Variants in CENPF observed in about 807,000 individuals in gnomAD.
CENPF encodes centromere protein F.
In CENPF, 214 loss-of-function variants were observed where a neutral mutation model predicts 307.3. That is an observed-to-expected ratio of 0.70 (90% CI 0.62 to 0.78). The LOEUF is 0.78. Ranked by LOEUF, CENPF falls within the 30% of genes least tolerant of loss-of-function variation. The pLI, the probability that CENPF is intolerant of heterozygous loss-of-function variation, is 0.00. For synonymous variants in CENPF, 1,259 were observed against 1,270.6 expected, an observed-to-expected ratio of 0.99 and a Z score of 0.19; for missense variants, 3,401 against 3,483.9, an observed-to-expected ratio of 0.98 and a Z score of 0.60.
chr1:214,617,527 C>T (rs1216972638), intron 3 of CENPF, among the ~76,000 whole-genome samples: 1 of 152,086 alleles, frequency 6.6e-6, no homozygotes, highest in Admixed American at 6.5e-5. Flanking sequence ...GAAAGGTGTT[C>T]AGAGCTTACT....
chr1:214,648,692 A>G lies in CENPF; in HGVS notation c.7848A>G (p.Ala2616=), dbSNP rs1658376744. Residue 2616 remains alanine (A), a synonymous_variant, in exon 14 of 20, where the codon GCA becomes GCG. Coordinates refer to ENST00000366955, the MANE Select transcript of CENPF (RefSeq NM_016343.4). ...SFVEKVNKMT[A]KETELQREMH... ...AATTTCAGGTAAACAAAATGACTGC[A>G]AAGGAAACTGAGCTGCAGAGGGAAA... is the stretch of plus-strand genomic sequence containing the variant. 1 of 1,612,972 alleles carries G rather than the reference A, an allele frequency of 6.2e-7. No individual in the cohort carries two copies. The highest frequency in any genetic ancestry group is 1.7e-5 in the Admixed American group (1 of 59,810).
In CENPF at chr1:214,656,956, G is replaced by A. The variant is rs138734779; in HGVS notation, c.8509G>A (p.Asp2837Asn). Reference sequence around the variant, plus strand: ...AGGTACTGTTATGGATACCAAGGTCGATGAATTAACAACTGAGATCAAAGA... The same window carrying A: ...AGGTACTGTTATGGATACCAAGGTCAATGAATTAACAACTGAGATCAAAGA... ...KTGTVMDTKV[D>N]ELTTEIKELK... Residue 2837 changes from aspartate (D) to asparagine (N), a missense_variant, in exon 18 of 20, where the codon GAT (aspartate) becomes AAT (asparagine). Transcript: ENST00000366955. 13 of 1,609,516 alleles carry A rather than the reference G, an allele frequency of 8.1e-6. No homozygotes were observed. The highest frequency in any genetic ancestry group is 1.3e-5 in the African/African-American group (1 of 74,586).
chr1:214,630,086 GT>G (rs1014077084), intron 8 of CENPF, among the ~76,000 whole-genome samples: 2 of 152,222 alleles, frequency 1.3e-5, no homozygotes, highest in Non-Finnish European at 2.9e-5. Context: ...GGTTATTAAA[GT>G]TAATGGGTAG....
At position 214,644,751 on chromosome 1, in the gene CENPF, A is replaced by G. The variant is rs556072186; in HGVS notation, c.5181A>G (p.Pro1727=). Reference sequence around the variant, plus strand: ...GAGAGTGCTCTGGGGAACAGTCCCCAGATACCAATTATGAGCCTCCAGGGG... The same window carrying G: ...GAGAGTGCTCTGGGGAACAGTCCCCGGATACCAATTATGAGCCTCCAGGGG... ...PTGECSGEQS[P]DTNYEPPGED... The change falls in exon 13 of 20, where the codon CCA becomes CCG. Residue 1727 remains proline, a synonymous_variant. Coordinates refer to ENST00000366955, the MANE Select transcript of CENPF (RefSeq NM_016343.4). The G allele has an allele frequency of 1.2e-6, 2 of 1,613,962 alleles. No individual in the cohort carries two copies. Among genetic ancestry groups the G allele is most frequent in the East Asian group, 2.2e-5 (1 of 44,870 alleles).
At chr1:214,633,672 T>G (rs1657871722) in intron 10 of CENPF, among the ~76,000 whole-genome samples, 1 of 152,204 alleles carries the variant, frequency 6.6e-6, no homozygotes, top group African/African-American at 2.4e-5. Flanking sequence ...GACAGGTGAT[T>G]GTTAAATCAG....
rs571417027 is a variant in CENPF at position 214,647,365 on chromosome 1, T to C, written c.7795T>C (p.Leu2599=). The C allele has an allele frequency of 3.9e-5, 63 of 1,609,480 alleles. No homozygotes were observed. Among genetic ancestry groups the C allele is most frequent in the South Asian group, 3.5e-4 (32 of 90,578 alleles). The change falls in exon 13 of 20, where the codon TTG becomes CTG. Residue 2599 remains leucine, a synonymous_variant. Coordinates refer to ENST00000366955, the MANE Select transcript of CENPF (RefSeq NM_016343.4). Reference sequence around the variant, plus strand: ...CAAGAATCTAGAGAATGAGCTTGAATTGACAAAAATGGACAAAATGTCCTT... The same window carrying C: ...CAAGAATCTAGAGAATGAGCTTGAACTGACAAAAATGGACAAAATGTCCTT... ...SYKNLENELE[L]TKMDKMSFVE...
chr1:214,653,103 CA>C, intron 16 of CENPF, 114 bp downstream of exon 16: 1 of 981,626 alleles, frequency 1.0e-6, no homozygotes, highest in Admixed American at 1.8e-5. Context: ...TTTTGGTAGT[CA>C]AAAATGATGT....
In CENPF at chr1:214,647,245, A is replaced by G; in HGVS notation, c.7675A>G (p.Arg2559Gly). The change falls in exon 13 of 20, where the codon AGA (arginine) becomes GGA (glycine). Residue 2559 changes from arginine to glycine, a missense_variant. Coordinates refer to ENST00000366955, the MANE Select transcript of CENPF (RefSeq NM_016343.4). ...TTGGAAGGAGCAAAACTTAGAACTG[A>G]GAAATCTGACAGTGGAATTGGAGCA... ...QLWKEQNLEL[R>G]NLTVELEQKI... The G allele has an allele frequency of 6.2e-7, 1 of 1,614,132 alleles. No homozygotes were observed. The highest frequency in any genetic ancestry group is 8.5e-7 in the Non-Finnish European group (1 of 1,179,980).
rs770594832 is a variant in CENPF at position 214,646,567 on chromosome 1, T to A, written c.6997T>A (p.Leu2333Ile). 2 of 1,614,098 alleles carry A rather than the reference T, an allele frequency of 1.2e-6. No homozygotes were observed. The highest frequency in any genetic ancestry group is 1.7e-6 in the Non-Finnish European group (2 of 1,180,016). Residue 2333 changes from leucine to isoleucine, a missense_variant, in exon 13 of 20, where the codon TTA (leucine) becomes ATA (isoleucine). By Grantham distance (5) the Leu-to-Ile change is conservative (BLOSUM62 2). Coordinates refer to ENST00000366955, the MANE Select transcript of CENPF (RefSeq NM_016343.4). ...GAAGGAAAGTGAGCATCATGCAGAT[T>A]TACTTAAGGGTAGAGTGGAGAACCT... ...QLKESEHHAD[L>I]LKGRVENLER...
In CENPF at chr1:214,657,741, C is replaced by T. The variant is rs440660; in HGVS notation, c.8962+332C>T. ...CGTTGGTCATGTCTGACCTAGCTAG[C>T]AGGTGAGCTGGAGGGTGCACCCTGT... On this transcript the variant is annotated intron_variant, in intron 18 of 19. Coordinates refer to ENST00000366955, the MANE Select transcript of CENPF (RefSeq NM_016343.4). Among the ~76,000 whole-genome samples, 66,369 of 152,078 alleles carry T rather than the reference C, an allele frequency of 0.44. 15,442 individuals carry two copies. Among genetic ancestry groups the T allele is most frequent in the East Asian group, 0.84 (4,332 of 5,166 alleles).
Position 214,640,200 on chromosome 1 carries a change from GT to G in CENPF, c.1864del (p.Trp622GlyfsTer9). 1 of 1,598,926 alleles carries G rather than the reference GT, an allele frequency of 6.3e-7. No individual in the cohort carries two copies. Among genetic ancestry groups the G allele is most frequent in the Non-Finnish European group, 8.5e-7 (1 of 1,176,460 alleles). ...ELKEEKTLFSCWKSENEKLLT... is the reference protein window; with the variant it reads ...ELKEEKTLFSXWKSENEKLLT... ...AAAGAAGAGAAAACTCTGTTTTCTT[GT>G]TGGAAAAGTGAAAACGAAAAACTTT... On this transcript the variant is annotated frameshift_variant, in exon 12 of 20. Transcript: ENST00000366955. LOFTEE classifies it high-confidence loss of function.
intron 14 of CENPF, among the ~76,000 whole-genome samples, chr1:214,650,677 T>C (rs1658438010): frequency 1.3e-5 from 2 of 152,076 alleles, no homozygotes; most frequent in South Asian, 4.1e-4. Flanking sequence ...CGAGGTGAGC[T>C]GATAACTTGA....
Position 214,603,883 on chromosome 1 carries a change from G to A in CENPF, c.-42+562G>A, listed in dbSNP as rs534125774. On this transcript the variant is annotated intron_variant, in intron 1 of 19. Coordinates refer to ENST00000366955, the MANE Select transcript of CENPF (RefSeq NM_016343.4). ...TCCCTATATTGCCTAGGCTGGTCTG[G>A]AACCCCTGGGCTCAAGGGATCCTCC... is the stretch of plus-strand genomic sequence containing the variant. Among the ~76,000 whole-genome samples the A allele has an allele frequency of 5.3e-5, 8 of 151,752 alleles. No homozygotes were observed. In the South Asian group the frequency reaches 1.7e-3, roughly 32 times the overall value.
rs1468712640 is a variant in CENPF, at chr1:214,659,123, C to T, written c.9141+95C>T. On this transcript the variant is annotated intron_variant, in intron 19 of 19. Transcript: ENST00000366955. The surrounding 1 kb of genome is among the most constrained non-coding windows in gnomAD (Gnocchi z 4.4). The stretch of plus-strand genomic sequence containing the variant: ...GGACACTGCACCCCCGATTCAGGAG[C>T]GCTTTCAAAAAGTCTGACCTTCTTG... The T allele has an allele frequency of 1.5e-5, 21 of 1,357,970 alleles. No homozygotes were observed. The highest frequency in any genetic ancestry group is 4.0e-5 in the South Asian group (3 of 74,318). 84.1% of individuals were successfully genotyped at this position (1,357,970 alleles called of 1,614,324 possible).
intron 8 of CENPF, 150 bp from the exon 9 acceptor site, chr1:214,630,384 A>G: frequency 1.1e-6 from 1 of 907,068 alleles, no homozygotes; most frequent in Non-Finnish European, 1.7e-6. Flanking sequence ...ACCAAGGCTG[A>G]CTATGTTCAT....
chr1:214,656,204 A>G (rs914273710), intron 17 of CENPF, among the ~76,000 whole-genome samples: 3 of 152,188 alleles, frequency 2.0e-5, no homozygotes, highest in Non-Finnish European at 4.4e-5. Flanking sequence ...ACTTTTATCC[A>G]CTTATACCCC....
intron 10 of CENPF, among the ~76,000 whole-genome samples, chr1:214,636,245 C>T (rs113226373): frequency 6.6e-6 from 1 of 152,256 alleles, no homozygotes; most frequent in African/African-American, 2.4e-5. Flanking sequence ...TATTCTGAGT[C>T]TGAAGAACAA....
intron 1 of CENPF, chr1:214,613,149 C>T (rs1447290568): frequency 4.0e-6 from 1 of 250,058 alleles, no homozygotes; most frequent in Non-Finnish European, 8.0e-6. Context: ...ATTTTTGTTA[C>T]AAATCTTACA....
intron 1 of CENPF, chr1:214,608,584 A>G (rs552867553): frequency 5.7e-5 from 91 of 1,609,658 alleles, no homozygotes; most frequent in East Asian, 4.0e-4. Flanking sequence ...GAAGACCTCA[A>G]TGGTGTCCAG....
Sources: gnomAD v4.1 joint callset for allele counts (sites outside exome capture counted in the v4.1 genomes callset) on GRCh38, gnomAD v4.1.1 for gene constraint, Gnocchi (gnomAD v3.1) non-coding constraint, MANE v1.5 for transcripts, NCBI Gene and HGNC (gene_info 2026-07-23, HGNC 2026-07-21) for gene names.